Variants in PCDH7 observed in about 807,000 individuals in gnomAD.
PCDH7 encodes the protein protocadherin 7.
A neutral mutation model predicts 58.9 loss-of-function variants in PCDH7; 17 were observed. The ratio of observed to expected loss-of-function variants is 0.29; its 90% CI spans 0.20 to 0.43. The LOEUF (loss-of-function observed/expected upper bound fraction) is 0.43, where lower values mean the gene tolerates loss of function less well. PCDH7 is among the 20% of genes least tolerant of loss of function. The probability of loss-of-function intolerance (pLI) is 1.00; values close to 1 mark genes in which losing one functional copy is unlikely to be tolerated. For synonymous variants in PCDH7, 664 were observed against 616.4 expected, an observed-to-expected ratio of 1.08 and a Z score of -1.14; for missense variants, 1,274 against 1,441.0, an observed-to-expected ratio of 0.88 and a Z score of 1.88.
At chr4:31,059,226 T>C (rs931699826) in intron 3 of PCDH7, among the ~76,000 whole-genome samples, 1 of 151,884 alleles carries the variant, frequency 6.6e-6, no homozygotes, top group African/African-American at 2.4e-5. Flanking sequence ...TTGAAGCAAA[T>C]CTTTATTCTG....
At chr4:30,998,665 T>A (rs1256853931) in intron 3 of PCDH7, among the ~76,000 whole-genome samples, 1 of 152,126 alleles carries the variant, frequency 6.6e-6, no homozygotes, top group Non-Finnish European at 1.5e-5. Context: ...TGAGGCATAC[T>A]AATATTTGAA....
At chr4:30,889,676 C>T (rs1162952344) in intron 1 of PCDH7, among the ~76,000 whole-genome samples, 1 of 152,130 alleles carries the variant, frequency 6.6e-6, no homozygotes, top group African/African-American at 2.4e-5. Context: ...ACCTGTTCTT[C>T]ATAGATCTTG....
At chr4:30,920,237 C>A (rs2109414975) in exon 2 of PCDH7, 1 of 1,367,694 alleles carries the variant, frequency 7.3e-7, no homozygotes, top group Non-Finnish European at 9.8e-7. Flanking sequence ...TGACAGCGGG[C>A]TGGAGGAGTC....
intron 3 of PCDH7, among the ~76,000 whole-genome samples, chr4:30,992,043 T>C (rs1307346799): frequency 1.3e-5 from 2 of 152,166 alleles, no homozygotes; most frequent in Non-Finnish European, 2.9e-5. Context: ...GGTGAATGAC[T>C]TTGGGCAAAT....
intron 1 of PCDH7, among the ~76,000 whole-genome samples, chr4:30,780,803 T>G (rs377715069): frequency 6.6e-6 from 1 of 152,200 alleles, no homozygotes; most frequent in African/African-American, 2.4e-5. Flanking sequence ...TTCTATTTTA[T>G]GTAGGCTTCA....
At chr4:31,028,502 T>G (rs1402201479) in intron 3 of PCDH7, among the ~76,000 whole-genome samples, 1 of 151,968 alleles carries the variant, frequency 6.6e-6, no homozygotes, top group East Asian at 1.9e-4. Context: ...AAATAAAATT[T>G]AAAAATTCAC....
chr4:31,098,705 C>G (rs1388132987), intron 3 of PCDH7, among the ~76,000 whole-genome samples: 1 of 152,122 alleles, frequency 6.6e-6, no homozygotes, highest in Non-Finnish European at 1.5e-5. Flanking sequence ...TCTCTTCTGC[C>G]TCTGACATGG....
At chr4:30,972,194 A>T (rs1277488825) in intron 3 of PCDH7, among the ~76,000 whole-genome samples, 1 of 152,190 alleles carries the variant, frequency 6.6e-6, no homozygotes, top group Non-Finnish European at 1.5e-5. Context: ...GGAAATGATG[A>T]GTGCTCCAAT....
At chr4:31,091,686 C>T (rs2109285461) in intron 3 of PCDH7, among the ~76,000 whole-genome samples, 1 of 151,966 alleles carries the variant, frequency 6.6e-6, no homozygotes, top group Non-Finnish European at 1.5e-5. Flanking sequence ...TCCCACTAAT[C>T]TTCTATCAGT....
intron 1 of PCDH7, among the ~76,000 whole-genome samples, chr4:30,896,966 A>C (rs373005395): frequency 8.2e-6 from 1 of 122,112 alleles, no homozygotes. Context: ...GTGCAGTGGC[A>C]GGATCTCGGC....
chr4:31,016,275 G>T (rs907404146), intron 3 of PCDH7, among the ~76,000 whole-genome samples: 2 of 152,050 alleles, frequency 1.3e-5, no homozygotes, highest in Non-Finnish European at 1.5e-5. Context: ...TAAGAAACAG[G>T]TTGTGAACAT....
In PCDH7 at chr4:30,834,055, T is replaced by C. The variant is rs370310637; in HGVS notation, c.71-86098T>C. ...AAAAATGTGCCATTTTCCTTTATAT[T>C]TCTTACGTGTTCAGTGAAGTCATAA... On this transcript the variant is annotated intron_variant, in intron 1 of 3. Coordinates refer to the PCDH7 transcript ENST00000509759. Among the ~76,000 whole-genome samples the C allele has an allele frequency of 1.5e-3, 227 of 152,270 alleles. 1 individual carries two copies. The highest frequency in any genetic ancestry group is 5.2e-3 in the African/African-American group (218 of 41,544).
chr4:30,936,560 G>A (rs1244672508), intron 2 of PCDH7, among the ~76,000 whole-genome samples: 3 of 151,890 alleles, frequency 2.0e-5, no homozygotes, highest in Non-Finnish European at 4.4e-5. Flanking sequence ...GTTTAAGGCC[G>A]GCAATAAACT....
intron 1 of PCDH7, among the ~76,000 whole-genome samples, chr4:30,883,846 C>G: frequency 6.6e-6 from 1 of 152,122 alleles, no homozygotes; most frequent in East Asian, 1.9e-4. Context: ...TTTGAATGAT[C>G]AACATGACTC....
chr4:30,893,335 A>G (rs972005065), intron 1 of PCDH7, among the ~76,000 whole-genome samples: 2 of 152,058 alleles, frequency 1.3e-5, no homozygotes, highest in African/African-American at 4.8e-5. Flanking sequence ...GTTTAGTTTT[A>G]CTTTCCAACA....
intron 3 of PCDH7, among the ~76,000 whole-genome samples, chr4:31,056,950 C>T (rs1757308629): frequency 6.6e-6 from 1 of 152,034 alleles, no homozygotes; most frequent in African/African-American, 2.4e-5. Flanking sequence ...GTATGTTTGT[C>T]AATGAATATC....
At chr4:31,056,015 C>A (rs1757136534) in intron 3 of PCDH7, among the ~76,000 whole-genome samples, 1 of 152,080 alleles carries the variant, frequency 6.6e-6, no homozygotes, top group African/African-American at 2.4e-5. Flanking sequence ...CTGAGTAAAT[C>A]AGTTGTAGTT....
At chr4:30,747,759 G>C (rs1717962077) in intron 1 of PCDH7, among the ~76,000 whole-genome samples, 1 of 152,150 alleles carries the variant, frequency 6.6e-6, no homozygotes, top group African/African-American at 2.4e-5. Context: ...CATATTCACA[G>C]GTTTCCTGGA....
chr4:30,959,181 A>G (rs959383666), intron 3 of PCDH7, among the ~76,000 whole-genome samples: 2 of 151,876 alleles, frequency 1.3e-5, no homozygotes, highest in South Asian at 2.1e-4. Flanking sequence ...GATGAGAATG[A>G]CTGTTTTTGA....
Sources: allele counts gnomAD v4.1 joint callset (sites outside exome capture counted in the v4.1 genomes callset), GRCh38; gene constraint gnomAD v4.1.1; transcripts MANE v1.5; gene names NCBI Gene and HGNC (gene_info 2026-07-23, HGNC 2026-07-21).